Variants in ZNF362 observed in about 807,000 individuals in gnomAD.
ZNF362 encodes zinc finger protein 362.
A neutral mutation model predicts 42.9 loss-of-function variants in ZNF362; 11 were observed. The observed-to-expected ratio is 0.26, with a 90% CI of 0.16 to 0.42. ZNF362 has a LOEUF of 0.42. Among genes scored for constraint, ZNF362 ranks in the 20% least tolerant of loss-of-function variants. The probability of loss-of-function intolerance (pLI) is 1.00; values close to 1 mark genes in which losing one functional copy is unlikely to be tolerated. For missense variants in ZNF362, 362 were observed against 576.2 expected, an observed-to-expected ratio of 0.63 and a Z score of 3.81; for synonymous variants, 255 against 257.3, an observed-to-expected ratio of 0.99 and a Z score of 0.09.
At chr1:33,202,246 A>C in the ZNF362 span, among the ~76,000 whole-genome samples, 1 of 152,370 alleles carries the variant, frequency 6.6e-6, no homozygotes, top group East Asian at 1.9e-4. Flanking sequence ...AGAGGAGGGA[A>C]TATTTTCCAA....
intron 1 of ZNF362, among the ~76,000 whole-genome samples, chr1:33,267,383 C>A (rs900362453): frequency 1.3e-5 from 2 of 152,142 alleles, no homozygotes; most frequent in African/African-American, 4.8e-5. Flanking sequence ...GTTTTCTTCC[C>A]CTCTTTTCTC....
the ZNF362 span, chr1:33,147,069 G>T: frequency 1.6e-6 from 2 of 1,231,908 alleles, no homozygotes; most frequent in Admixed American, 4.4e-5. The surrounding 1 kb of genome is among the most constrained non-coding windows in gnomAD (Gnocchi z 8.1). Flanking sequence ...CAACTGGCCT[G>T]AGGTCTCCAG....
At chr1:33,173,263 C>T in the ZNF362 span, among the ~76,000 whole-genome samples, 1 of 152,224 alleles carries the variant, frequency 6.6e-6, no homozygotes, top group African/African-American at 2.4e-5. Flanking sequence ...GGGTCTCCCA[C>T]CAGCTCCCCT....
the ZNF362 span, among the ~76,000 whole-genome samples, chr1:33,194,169 T>C: frequency 0.043 from 6,559 of 152,196 alleles, 199 homozygotes; most frequent in Middle Eastern, 0.12. Flanking sequence ...TACACTCAAA[T>C]TGATCTGAAG....
chr1:33,159,889 C>T, the ZNF362 span: 607 of 1,610,942 alleles, frequency 3.8e-4, 4 homozygotes, highest in Admixed American at 1.0e-3. This position sits in a 1 kb window ranked among gnomAD's most constrained non-coding sequence, Gnocchi z 4.2. Context: ...ACGCAGCAGC[C>T]GGTGCAGCCG....
At chr1:33,293,804 T>A (rs1198981444) in intron 6 of ZNF362, among the ~76,000 whole-genome samples, 1 of 152,144 alleles carries the variant, frequency 6.6e-6, no homozygotes, top group Admixed American at 6.5e-5. Flanking sequence ...GCTGCTGAGC[T>A]CCATTTGTGG....
chr1:33,189,709 G>GTGTATCTATATATATATATATA, the ZNF362 span, among the ~76,000 whole-genome samples: 1 of 12,452 alleles, frequency 8.0e-5, no homozygotes. Flanking sequence ...ACATATATAC[G>GTGTATCTATATATATATATATA]TATATATATA....
chr1:33,233,490 G>A, the ZNF362 span, among the ~76,000 whole-genome samples: 9 of 150,830 alleles, frequency 6.0e-5, no homozygotes, highest in African/African-American at 1.7e-4. Flanking sequence ...TGAAACCTCC[G>A]CCTCCCAGGC....
chr1:33,285,830 A>G (rs1222618036), intron 6 of ZNF362, among the ~76,000 whole-genome samples: 1 of 152,208 alleles, frequency 6.6e-6, no homozygotes, highest in Non-Finnish European at 1.5e-5. Flanking sequence ...TGGGAGGCCA[A>G]GGTGGGTGAA....
the ZNF362 span, among the ~76,000 whole-genome samples, chr1:33,129,692 C>A: frequency 4.6e-3 from 702 of 152,334 alleles, 5 homozygotes; most frequent in Non-Finnish European, 7.2e-3. This position sits in a 1 kb window ranked among gnomAD's most constrained non-coding sequence, Gnocchi z 4.1. Flanking sequence ...TTGGTCCACA[C>A]TGGAGATTCT....
chr1:33,256,014 C>G (rs1645786093), upstream of ZNF362, among the ~76,000 whole-genome samples: 1 of 151,652 alleles, frequency 6.6e-6, no homozygotes, highest in Non-Finnish European at 1.5e-5. Context: ...GCCGCCGGGG[C>G]CCCGGGAGCC....
the ZNF362 span, among the ~76,000 whole-genome samples, chr1:33,214,842 A>C: frequency 1.3e-5 from 2 of 152,226 alleles, no homozygotes; most frequent in African/African-American, 4.8e-5. Flanking sequence ...AAAGACAGGC[A>C]ATAACAAATA....
At chr1:33,208,544 G>A in the ZNF362 span, among the ~76,000 whole-genome samples, 1 of 151,596 alleles carries the variant, frequency 6.6e-6, no homozygotes, top group Non-Finnish European at 1.5e-5. Context: ...TCACGATATT[G>A]ATTTTTCCTA....
chr1:33,167,570 C>G, the ZNF362 span, among the ~76,000 whole-genome samples: 7 of 152,178 alleles, frequency 4.6e-5, no homozygotes, highest in African/African-American at 1.7e-4. The surrounding 1 kb of genome is among the most constrained non-coding windows in gnomAD (Gnocchi z 4.2). Flanking sequence ...ATACCTCACA[C>G]CCAGCAACAG....
the ZNF362 span, among the ~76,000 whole-genome samples, chr1:33,177,088 CAA>C: frequency 6.6e-6 from 1 of 150,510 alleles, no homozygotes; most frequent in Non-Finnish European, 1.5e-5. The surrounding 1 kb of genome is among the most constrained non-coding windows in gnomAD (Gnocchi z 4.1). Flanking sequence ...CATGCATGCA[CAA>C]ATGCACACAC....
intron 6 of ZNF362, among the ~76,000 whole-genome samples, chr1:33,287,904 A>G (rs1262651622): frequency 6.6e-6 from 1 of 152,240 alleles, no homozygotes; most frequent in Non-Finnish European, 1.5e-5. Flanking sequence ...CTCTCAAGGA[A>G]TGTTTAACCT....
chr1:33,142,125 C>G, the ZNF362 span: 1 of 152,288 alleles, frequency 6.6e-6, no homozygotes, highest in Non-Finnish European at 1.5e-5. Flanking sequence ...TCCCACCTCC[C>G]ACCTCCCTCC....
At chr1:33,289,125 C>T (rs1470943108) in intron 6 of ZNF362, among the ~76,000 whole-genome samples, 1 of 152,008 alleles carries the variant, frequency 6.6e-6, no homozygotes, top group Non-Finnish European at 1.5e-5. Flanking sequence ...GTGGAGGTTG[C>T]GGGGGATCAT....
Position 33,295,157 on chromosome 1 carries a change from G to A in ZNF362, c.998G>A (p.Arg333His), listed in dbSNP as rs1446530024. Residue 333 changes from arginine to histidine, a missense_variant, in exon 8 of 9, where the codon CGC (arginine) becomes CAC (histidine). Arg to His is a conservative substitution (Grantham distance 29). Around this residue, in one of 3 missense-constraint regions of ZNF362, gnomAD observed 28 missense variants for 103.4 expected, o/e 0.27. Coordinates refer to ENST00000539719, the MANE Select transcript of ZNF362 (RefSeq NM_152493.3). Reference protein sequence around the residue: ...TQLSNLQSHQRQHNKDKPYKC... With the variant: ...TQLSNLQSHQHQHNKDKPYKC... ...GCTGTGCCCCTACAGTCTCACCAGC[G>A]CCAGCACAACAAGGACAAGCCCTAC... 2 of 1,613,924 alleles carry A rather than the reference G, an allele frequency of 1.2e-6. No individual in the cohort carries two copies. Among genetic ancestry groups the A allele is most frequent in the South Asian group, 1.1e-5 (1 of 91,076 alleles).
Sources: gnomAD v4.1 joint callset for allele counts (sites outside exome capture counted in the v4.1 genomes callset) on GRCh38, gnomAD v4.1.1 for gene constraint, gnomAD v4.1.1 regional missense constraint, Gnocchi (gnomAD v3.1) non-coding constraint, MANE v1.5 for transcripts, NCBI Gene and HGNC (gene_info 2026-07-23, HGNC 2026-07-21) for gene names.